The following RTTN variants were observed in gnomAD, a reference collection of about 807,000 sequenced individuals.
The protein encoded by RTTN is rotatin.
RTTN carries 182 observed loss-of-function variants against 269.2 expected under a neutral mutation model. The ratio of observed to expected loss-of-function variants is 0.68; its 90% CI spans 0.60 to 0.76. RTTN has a LOEUF of 0.76. Ranked by LOEUF, RTTN falls within the 30% of genes least tolerant of loss-of-function variation. RTTN has a pLI of 0.00. For missense variants in RTTN, 2,545 were observed against 2,608.6 expected, an observed-to-expected ratio of 0.98 and a Z score of 0.53; for synonymous variants, 1,006 against 963.5, an observed-to-expected ratio of 1.04 and a Z score of -0.82.
chr18:70,086,683 G>A lies in RTTN; in HGVS notation c.4304C>T (p.Ala1435Val), dbSNP rs775406942. ...QSECSMVRRE[A>V]AFILQNLLVI... ...AAGGAGATTCTGAAGAATAAATGCC[G>A]CCTGAAAATGTAAAAAAAAAAAAAA... The change falls in exon 32 of 49, where the codon GCG (alanine) becomes GTG (valine). Residue 1435 changes from alanine to valine, a missense_variant and splice_region_variant. Physicochemically the swap from Ala to Val is moderately conservative, Grantham distance 64. Coordinates refer to ENST00000640769, the MANE Select transcript of RTTN (RefSeq NM_173630.4). 5.6e-5 allele frequency: 21 copies of A among 373,898 alleles called. No homozygotes were observed. Among genetic ancestry groups the A allele is most frequent in the South Asian group, 1.2e-4 (4 of 34,300 alleles). 23.2% of individuals were successfully genotyped at this position (373,898 alleles called of 1,614,324 possible).
At chr18:70,011,106 A>T (rs2056358344) in intron 46 of RTTN, among the ~76,000 whole-genome samples, 1 of 152,336 alleles carries the variant, frequency 6.6e-6, no homozygotes, top group East Asian at 1.9e-4. Flanking sequence ...ATAGCCTACC[A>T]ACCAAAAAAA....
chr18:70,054,172 T>C lies in RTTN; in HGVS notation c.5144A>G (p.Asn1715Ser), dbSNP rs771488423. 2 of 1,613,688 alleles carry C rather than the reference T, an allele frequency of 1.2e-6. No homozygotes were observed. The highest frequency in any genetic ancestry group is 1.1e-5 in the South Asian group (1 of 91,064). The part of the protein sequence containing the change: ...QDELVKPLIT[N>S]IIGILTICTK... ...ACATATGGTGAGAATTCCAATGATA[T>C]TGGTGATAAGAGGTTTCACAAGCTC... Residue 1715 changes from asparagine to serine, a missense_variant, in exon 38 of 49, where the codon AAT (asparagine) becomes AGT (serine). Coordinates refer to ENST00000640769, the MANE Select transcript of RTTN (RefSeq NM_173630.4).
rs917260923 is a variant in RTTN, at chr18:70,067,473, T to A, written c.4654-1551A>T. Among the ~76,000 whole-genome samples the A allele has an allele frequency of 9.2e-5, 14 of 152,302 alleles. No individual in the cohort carries two copies. In the East Asian group the frequency reaches 2.7e-3, roughly 29 times the overall value. ...CGCGCCCAGCAAGCTTGTTTATTTT[T>A]AAAAATATATTTGCCTACAATTTGG... On this transcript the variant is annotated intron_variant, in intron 34 of 48. Coordinates refer to ENST00000640769, the MANE Select transcript of RTTN (RefSeq NM_173630.4).
chr18:70,192,310 T>C (rs867840996), intron 8 of RTTN, among the ~76,000 whole-genome samples: 1 of 152,152 alleles, frequency 6.6e-6, no homozygotes, highest in Admixed American at 6.5e-5. Context: ...TCTAACACAT[T>C]TGCACCCAAG....
At chr18:70,106,771 G>A (rs1475970544) in intron 28 of RTTN, among the ~76,000 whole-genome samples, 1 of 151,874 alleles carries the variant, frequency 6.6e-6, no homozygotes, top group Non-Finnish European at 1.5e-5. Context: ...ATTATATGAT[G>A]TCAAGAAGTC....
rs555552644 is a variant in RTTN at position 70,035,031 on chromosome 18, A to G, written c.5542-4050T>C. On this transcript the variant is annotated intron_variant, in intron 40 of 48. Transcript: ENST00000640769. ...AGGGAGGTGAAAGATCTCTACAAGGAGAAATACAAAACACTGCTGAAAGAA... is the reference window on the plus strand; with the variant it reads ...AGGGAGGTGAAAGATCTCTACAAGGGGAAATACAAAACACTGCTGAAAGAA... Among the ~76,000 whole-genome samples, 17 of 152,332 alleles carry G rather than the reference A, an allele frequency of 1.1e-4. No individual in the cohort carries two copies. In the South Asian group the frequency reaches 3.5e-3, roughly 32 times the overall value.
At chr18:70,155,595 C>T (rs1443563467) in intron 14 of RTTN, among the ~76,000 whole-genome samples, 1 of 152,174 alleles carries the variant, frequency 6.6e-6, no homozygotes, top group Non-Finnish European at 1.5e-5. Context: ...ATGACCTGCA[C>T]AGACCTTTGA....
chr18:70,048,786 T>C (rs980805527), intron 39 of RTTN, among the ~76,000 whole-genome samples: 8 of 152,088 alleles, frequency 5.3e-5, no homozygotes, highest in Admixed American at 4.6e-4. Flanking sequence ...AAAAGACTCT[T>C]ATAGATAACA....
intron 32 of RTTN, among the ~76,000 whole-genome samples, chr18:70,081,227 C>T (rs2058559447): frequency 6.6e-6 from 1 of 152,040 alleles, no homozygotes; most frequent in African/African-American, 2.4e-5. Flanking sequence ...GCAGTGTATA[C>T]TGCTGAGGTG....
At chr18:70,172,744 A>G (rs2061174620) in intron 11 of RTTN, among the ~76,000 whole-genome samples, 1 of 152,192 alleles carries the variant, frequency 6.6e-6, no homozygotes, top group South Asian at 2.1e-4. Flanking sequence ...ACTAAGTAAA[A>G]TAAATTACTG....
rs756490942 is a variant in RTTN, at chr18:70,048,181, G to C, written c.5331C>G (p.Phe1777Leu). Residue 1777 changes from phenylalanine to leucine, a missense_variant, in exon 40 of 49, where the codon TTC becomes TTG. Coordinates refer to ENST00000640769, the MANE Select transcript of RTTN (RefSeq NM_173630.4). ...TGGCAGACAAGCCTGCACATGTGCA[G>C]AACATATCTAAAGGAATAATTTCAG... ...AKHWTAAIDM[F>L]CTCAGLSATC... The C allele has an allele frequency of 1.2e-6, 2 of 1,610,528 alleles. No homozygotes were observed. Among genetic ancestry groups the C allele is most frequent in the South Asian group, 2.2e-5 (2 of 90,814 alleles).
At chr18:70,054,363 T>C (rs2057758152) in intron 37 of RTTN, 79 bp from the exon 38 acceptor site, 2 of 1,286,372 alleles carry the variant, frequency 1.6e-6, no homozygotes, top group South Asian at 1.6e-5. Flanking sequence ...TTTACTTTTG[T>C]AACACAATAA....
intron 3 of RTTN, among the ~76,000 whole-genome samples, chr18:70,202,606 ACT>A (rs1334638918): frequency 5.9e-5 from 9 of 152,136 alleles, no homozygotes; most frequent in East Asian, 5.8e-4. Context: ...ACAGTGTAAG[ACT>A]CTACTTTATT....
chr18:70,093,885 C>T (rs1396457182), intron 28 of RTTN, among the ~76,000 whole-genome samples: 1 of 152,154 alleles, frequency 6.6e-6, no homozygotes, highest in African/African-American at 2.4e-5. Context: ...GTACCAGATC[C>T]TCTTTGTACC....
intron 19 of RTTN, among the ~76,000 whole-genome samples, chr18:70,141,532 C>G (rs1477891662): frequency 6.6e-6 from 1 of 152,126 alleles, no homozygotes; most frequent in African/African-American, 2.4e-5. Context: ...GACAGAAAAC[C>G]AAACACCGCA....
intron 4 of RTTN, 50 bp downstream of exon 4, chr18:70,201,844 A>C: frequency 2.6e-6 from 3 of 1,141,610 alleles, no homozygotes; most frequent in Non-Finnish European, 3.9e-6. Context: ...AAAGTACATT[A>C]ATTTTCAACT....
At chr18:70,016,510 G>A (rs984864138) in intron 46 of RTTN, among the ~76,000 whole-genome samples, 1 of 152,152 alleles carries the variant, frequency 6.6e-6, no homozygotes, top group African/African-American at 2.4e-5. Flanking sequence ...GTGTGTAGGG[G>A]TCTGGAGCCC....
intron 28 of RTTN, among the ~76,000 whole-genome samples, chr18:70,101,893 G>A (rs919286963): frequency 6.6e-6 from 1 of 152,202 alleles, no homozygotes; most frequent in Non-Finnish European, 1.5e-5. Flanking sequence ...TGTTCTGAGT[G>A]AGTTTCTTAA....
At chr18:70,131,806 G>C (rs985204578) in intron 23 of RTTN, 1 of 151,566 alleles carries the variant, frequency 6.6e-6, no homozygotes, top group African/African-American at 2.4e-5. Flanking sequence ...AAACCACATT[G>C]GACAAATAGA....
Sources: gnomAD v4.1 joint callset for allele counts (sites outside exome capture counted in the v4.1 genomes callset) on GRCh38, gnomAD v4.1.1 for gene constraint, MANE v1.5 for transcripts, NCBI Gene and HGNC (gene_info 2026-07-23, HGNC 2026-07-21) for gene names.